Variants in RPS6KC1 observed in about 807,000 individuals in gnomAD.
RPS6KC1 encodes inactive ribosomal protein S6 kinase delta-1.
RPS6KC1 carries 54 observed loss-of-function variants against 103.8 expected under a neutral mutation model. That is an observed-to-expected ratio of 0.52 (90% CI 0.42 to 0.65). The LOEUF (loss-of-function observed/expected upper bound fraction) is 0.65, where lower values mean the gene tolerates loss of function less well. RPS6KC1 is among the 30% of genes least tolerant of loss of function. The probability of loss-of-function intolerance (pLI) is 0.00; values close to 1 mark genes in which losing one functional copy is unlikely to be tolerated. For synonymous variants in RPS6KC1, 439 were observed against 438.7 expected, an observed-to-expected ratio of 1.00 and a Z score of -0.01; for missense variants, 1,151 against 1,253.8, an observed-to-expected ratio of 0.92 and a Z score of 1.24.
At chr1:213,172,144 A>G (rs2091519893) in intron 7 of RPS6KC1, among the ~76,000 whole-genome samples, 1 of 152,190 alleles carries the variant, frequency 6.6e-6, no homozygotes, top group Non-Finnish European at 1.5e-5. Context: ...CTTCTTTTTA[A>G]CAAGATCATC....
chr1:213,710,108 A>AGT, the RPS6KC1 span, among the ~76,000 whole-genome samples: 2 of 152,176 alleles, frequency 1.3e-5, no homozygotes, highest in African/African-American at 2.4e-5. Flanking sequence ...TAATATTGAC[A>AGT]GTGTGATGTT....
At chr1:213,182,875 A>G (rs2092345362) in intron 8 of RPS6KC1, among the ~76,000 whole-genome samples, 1 of 143,478 alleles carries the variant, frequency 7.0e-6, no homozygotes, top group Non-Finnish European at 1.5e-5. Flanking sequence ...TATATATCAT[A>G]TATGATGCAT....
chr1:213,563,242 A>G, the RPS6KC1 span, among the ~76,000 whole-genome samples: 35 of 152,262 alleles, frequency 2.3e-4, no homozygotes, highest in East Asian at 5.8e-3. Flanking sequence ...AATTCTTAAA[A>G]TCTATTTCAT....
chr1:213,261,123 C>G (rs1414439674), intron 12 of RPS6KC1, among the ~76,000 whole-genome samples: 8 of 139,556 alleles, frequency 5.7e-5, no homozygotes. Flanking sequence ...TGGTTTCTAA[C>G]CTGCAAGTAA....
At chr1:213,821,385 G>A in the RPS6KC1 span, 1 of 152,280 alleles carries the variant, frequency 6.6e-6, no homozygotes, top group South Asian at 2.1e-4. Flanking sequence ...CCAGAAGGAA[G>A]CAGACACTGG....
the RPS6KC1 span, among the ~76,000 whole-genome samples, chr1:213,500,728 GT>G: frequency 6.6e-6 from 1 of 152,136 alleles, no homozygotes; most frequent in Non-Finnish European, 1.5e-5. Context: ...GTGATCCTTT[GT>G]TGACTGAAAT....
At chr1:213,118,038 A>AAAAAAAAAAAAAAAAAAAAC (rs1558354181) in intron 5 of RPS6KC1, among the ~76,000 whole-genome samples, 2 of 149,158 alleles carry the variant, frequency 1.3e-5, no homozygotes, top group Admixed American at 6.7e-5. Flanking sequence ...AAAAAAAAAA[A>AAAAAAAAAAAAAAAAAAAAC]AGCCTTACTC....
At chr1:213,843,709 A>C in the RPS6KC1 span, 1 of 152,198 alleles carries the variant, frequency 6.6e-6, no homozygotes, top group African/African-American at 2.4e-5. Context: ...AAATACTATA[A>C]CAAGAAGTTG....
chr1:213,204,110 T>C (rs1257710889), intron 8 of RPS6KC1, among the ~76,000 whole-genome samples: 2 of 152,202 alleles, frequency 1.3e-5, no homozygotes, highest in African/African-American at 4.8e-5. Context: ...TGTTTTTAAT[T>C]GCCTCTCCTC....
At chr1:213,579,778 A>G in the RPS6KC1 span, among the ~76,000 whole-genome samples, 2 of 152,066 alleles carry the variant, frequency 1.3e-5, no homozygotes, top group Admixed American at 6.5e-5. Context: ...TGCTTTATTA[A>G]TAGAACTACA....
intron 2 of RPS6KC1, among the ~76,000 whole-genome samples, chr1:213,071,427 C>T (rs2078871262): frequency 6.6e-6 from 1 of 152,122 alleles, no homozygotes; most frequent in Non-Finnish European, 1.5e-5. Flanking sequence ...CTGTGCCTGG[C>T]CTGTACATCA....
chr1:213,362,596 C>G, the RPS6KC1 span, among the ~76,000 whole-genome samples: 1 of 152,270 alleles, frequency 6.6e-6, no homozygotes, highest in Middle Eastern at 3.4e-3. Context: ...GGTCAGGAGA[C>G]GAGTAAGAAG....
the RPS6KC1 span, among the ~76,000 whole-genome samples, chr1:213,339,132 C>T: frequency 3.9e-4 from 60 of 152,174 alleles, 1 homozygote; most frequent in African/African-American, 1.0e-3. Flanking sequence ...GATGTGGTGG[C>T]GCATGCCTGT....
the RPS6KC1 span, among the ~76,000 whole-genome samples, chr1:213,624,746 C>T: frequency 1.1e-4 from 17 of 152,176 alleles, no homozygotes; most frequent in South Asian, 4.2e-4. Context: ...CTCTTTTTGC[C>T]GTGTTCTCAC....
chr1:213,488,188 G>C, the RPS6KC1 span, among the ~76,000 whole-genome samples: 1 of 152,182 alleles, frequency 6.6e-6, no homozygotes, highest in African/African-American at 2.4e-5. Context: ...CCATGCAGCT[G>C]TTCACCATCA....
intron 4 of RPS6KC1, among the ~76,000 whole-genome samples, chr1:213,115,111 T>C (rs2083445130): frequency 6.6e-6 from 1 of 152,230 alleles, no homozygotes; most frequent in South Asian, 2.1e-4. Context: ...TTGATTGGAA[T>C]AGTTTCAGAA....
the RPS6KC1 span, among the ~76,000 whole-genome samples, chr1:213,736,216 G>C: frequency 6.6e-6 from 1 of 152,140 alleles, no homozygotes; most frequent in Non-Finnish European, 1.5e-5. Flanking sequence ...GTTTCCATGG[G>C]TCAGTAGTCC....
chr1:213,562,741 G>A, the RPS6KC1 span, among the ~76,000 whole-genome samples: 1 of 152,066 alleles, frequency 6.6e-6, no homozygotes, highest in Non-Finnish European at 1.5e-5. Context: ...AGAGCTCATT[G>A]TAATCCTGAA....
chr1:213,275,876 C>G (rs368519181), downstream of RPS6KC1, among the ~76,000 whole-genome samples: 4 of 152,210 alleles, frequency 2.6e-5, no homozygotes, highest in African/African-American at 7.2e-5. Flanking sequence ...ACCTCATTCT[C>G]CCCTGGCCCG....
Sources: gnomAD v4.1 joint callset for allele counts (sites outside exome capture counted in the v4.1 genomes callset) on GRCh38, gnomAD v4.1.1 for gene constraint, MANE v1.5 for transcripts, NCBI Gene and HGNC (gene_info 2026-07-23, HGNC 2026-07-21) for gene names.